DCC: variants seen among roughly 807,000 people sequenced by gnomAD.
DCC encodes DCC netrin 1 receptor.
Under a neutral mutation model 172.5 loss-of-function variants are expected in DCC, and 58 were observed. The ratio of observed to expected loss-of-function variants is 0.34; its 90% CI spans 0.27 to 0.42. DCC has a LOEUF of 0.42. DCC is among the 10% of genes least tolerant of loss of function. The probability of loss-of-function intolerance (pLI) is 1.00; values close to 1 mark genes in which losing one functional copy is unlikely to be tolerated. For synonymous variants in DCC, 709 were observed against 644.5 expected (o/e 1.10, Z -1.52); for missense variants, 1,740 against 1,791.0 (o/e 0.97, Z 0.51).
At chr18:53,256,405 G>C (rs973857806) in intron 12 of DCC, among the ~76,000 whole-genome samples, 2 of 152,062 alleles carry the variant, frequency 1.3e-5, no homozygotes, top group Admixed American at 6.6e-5. Flanking sequence ...TGTAAGGAAG[G>C]GATCCAGTTT....
chr18:52,910,793 G>A lies in DCC; in HGVS notation c.697+4465G>A, dbSNP rs2039960783. On this transcript the variant is annotated intron_variant, in intron 3 of 28. Transcript: ENST00000442544. ...TCAATCTATTATTTGTTTAACTACAGTTAGATGACTCTGAGTCCTGTATAG... is the reference window on the plus strand; with the variant it reads ...TCAATCTATTATTTGTTTAACTACAATTAGATGACTCTGAGTCCTGTATAG... Among the ~76,000 whole-genome samples the A allele has an allele frequency of 2.6e-5, 4 of 152,204 alleles. No homozygotes were observed. The South Asian group carries it at 8.3e-4, about 32-fold the overall frequency.
chr18:52,642,824 C>T (rs985197040), intron 1 of DCC, among the ~76,000 whole-genome samples: 17 of 152,094 alleles, frequency 1.1e-4, no homozygotes, highest in African/African-American at 4.1e-4. Context: ...CCATCACACC[C>T]AGCTAGTTTT....
intron 5 of DCC, among the ~76,000 whole-genome samples, chr18:52,925,934 G>A (rs1372373579): frequency 6.9e-6 from 1 of 144,628 alleles, no homozygotes; most frequent in African/African-American, 2.6e-5. Flanking sequence ...AAAAGGCAGG[G>A]TTACCCATGT....
At chr18:52,733,494 CTT>C (rs960168910) in intron 1 of DCC, among the ~76,000 whole-genome samples, 1 of 151,878 alleles carries the variant, frequency 6.6e-6, no homozygotes, top group African/African-American at 2.4e-5. Context: ...TAAACACCGC[CTT>C]TTTTTGTTTT....
intron 1 of DCC, among the ~76,000 whole-genome samples, chr18:52,441,146 T>C (rs1187217864): frequency 6.6e-6 from 1 of 152,206 alleles, no homozygotes; most frequent in Non-Finnish European, 1.5e-5. Flanking sequence ...TTGGAATCAC[T>C]GATTTTTATC....
At chr18:53,124,899 G>A (rs1366589021) in intron 7 of DCC, among the ~76,000 whole-genome samples, 6 of 151,886 alleles carry the variant, frequency 4.0e-5, no homozygotes, top group Admixed American at 3.3e-4. Context: ...GAACCCAGGA[G>A]GTGGAGGTTG....
intron 1 of DCC, among the ~76,000 whole-genome samples, chr18:52,663,797 T>A (rs1050045983): frequency 2.6e-5 from 4 of 152,242 alleles, no homozygotes; most frequent in African/African-American, 7.2e-5. Flanking sequence ...ATAAGAACAC[T>A]ATTTAGAAAT....
At chr18:52,853,074 A>G (rs2039001824) in intron 2 of DCC, among the ~76,000 whole-genome samples, 1 of 152,126 alleles carries the variant, frequency 6.6e-6, no homozygotes, top group South Asian at 2.1e-4. Context: ...TTTTATATTA[A>G]TTGTTCAATT....
At chr18:53,105,559 A>G (rs1376015322) in intron 7 of DCC, among the ~76,000 whole-genome samples, 1 of 151,992 alleles carries the variant, frequency 6.6e-6, no homozygotes, top group Non-Finnish European at 1.5e-5. Flanking sequence ...ATCTAACACA[A>G]AAGAGTTAAA....
At chr18:53,497,843 G>C (rs2046044576) in intron 26 of DCC, among the ~76,000 whole-genome samples, 1 of 152,182 alleles carries the variant, frequency 6.6e-6, no homozygotes, top group East Asian at 1.9e-4. Context: ...TGGTAAGAAA[G>C]ATTTCCTAGC....
In DCC at chr18:52,782,233, T is replaced by C. The variant is rs1026639115; in HGVS notation, c.412+29859T>C. Among the ~76,000 whole-genome samples the C allele has an allele frequency of 3.3e-5, 5 of 152,312 alleles. No individual in the cohort carries two copies. The East Asian group carries it at 5.8e-4, about 18-fold the overall frequency. On this transcript the variant is annotated intron_variant, in intron 2 of 28. Coordinates refer to ENST00000442544, the MANE Select transcript of DCC (RefSeq NM_005215.4). ...ATATAGTTCAACAGGCTCCTTCAAA[T>C]GCAGTGCATTTTAAAAGCTTAGAAA...
chr18:53,178,506 A>G (rs947909829), intron 8 of DCC, among the ~76,000 whole-genome samples: 1 of 152,164 alleles, frequency 6.6e-6, no homozygotes, highest in Admixed American at 6.5e-5. Flanking sequence ...CTTTCATACA[A>G]TGAGAGAAAA....
chr18:52,675,467 C>A (rs1050524547), intron 1 of DCC, among the ~76,000 whole-genome samples: 1 of 152,260 alleles, frequency 6.6e-6, no homozygotes, highest in South Asian at 2.1e-4. Context: ...CCTTCCTGGA[C>A]CAAATCAACG....
chr18:53,381,187 T>C (rs973974357), intron 15 of DCC, among the ~76,000 whole-genome samples: 23 of 152,272 alleles, frequency 1.5e-4, no homozygotes, highest in African/African-American at 5.1e-4. Context: ...ATGAGAATCT[T>C]GTATTCTCAG....
intron 1 of DCC, among the ~76,000 whole-genome samples, chr18:52,372,156 A>G (rs1985148499): frequency 6.6e-6 from 1 of 152,158 alleles, no homozygotes; most frequent in African/African-American, 2.4e-5. Context: ...GCCTCCAACT[A>G]CAAAGAGCTG....
chr18:53,446,098 C>CA (rs1246126122), intron 22 of DCC, among the ~76,000 whole-genome samples: 8,268 of 32,214 alleles, frequency 0.26, 1,204 homozygotes, highest in African/African-American at 0.42. Context: ...CCTGTCTCTA[C>CA]AAAAAAAAAA....
chr18:52,893,217 C>A (rs1174617477), intron 2 of DCC, among the ~76,000 whole-genome samples: 1 of 151,934 alleles, frequency 6.6e-6, no homozygotes, highest in African/African-American at 2.4e-5. Flanking sequence ...AGGCACATGT[C>A]TTTGGCAGGA....
intron 2 of DCC, among the ~76,000 whole-genome samples, chr18:52,774,637 G>T (rs2037397187): frequency 1.3e-5 from 2 of 152,120 alleles, no homozygotes; most frequent in African/African-American, 2.4e-5. Flanking sequence ...TGGGGGTATG[G>T]CTTGCTTCTT....
chr18:52,792,226 T>A (rs9965381), intron 2 of DCC, among the ~76,000 whole-genome samples: 32 of 152,038 alleles, frequency 2.1e-4, no homozygotes, highest in African/African-American at 7.2e-4. Context: ...TCCTAGAAAA[T>A]CCCAAAGATG....
Sources: allele counts gnomAD v4.1 joint callset (sites outside exome capture counted in the v4.1 genomes callset), GRCh38; gene constraint gnomAD v4.1.1; transcripts MANE v1.5; gene names NCBI Gene and HGNC (gene_info 2026-07-23, HGNC 2026-07-21).